Variants in KIAA1671 observed in about 807,000 individuals in gnomAD.
KIAA1671 encodes the protein KIAA1671, also known as uncharacterized protein KIAA1671.
A neutral mutation model predicts 131.2 loss-of-function variants in KIAA1671; 52 were observed. That is an observed-to-expected ratio of 0.40 (90% CI 0.32 to 0.50). The LOEUF (loss-of-function observed/expected upper bound fraction) is 0.50. KIAA1671 is among the 20% of genes least tolerant of loss of function. The pLI, the probability that KIAA1671 is intolerant of heterozygous loss-of-function variation, is 0.73. For missense variants in KIAA1671, 2,360 were observed against 2,364.2 expected, an observed-to-expected ratio of 1.00 and a Z score of 0.04; for synonymous variants, 1,003 against 961.6, an observed-to-expected ratio of 1.04 and a Z score of -0.80.
intron 6 of KIAA1671, among the ~76,000 whole-genome samples, chr22:25,120,040 C>T (rs919173452): frequency 4.8e-4 from 73 of 152,150 alleles, no homozygotes; most frequent in African/African-American, 1.7e-3. Context: ...CTCTAGCTAC[C>T]ACTTCTTGAG....
At position 25,197,030 on chromosome 22, in the gene KIAA1671, T is replaced by C. The variant is rs1934850749; in HGVS notation, c.*4629T>C. 1 of 152,160 alleles carries C rather than the reference T, an allele frequency of 6.6e-6. No individual in the cohort carries two copies. Among genetic ancestry groups the C allele is most frequent in the South Asian group, 2.1e-4 (1 of 4,828 alleles). The allele number at this position is 152,160 out of a possible 1,614,324, so 9.4% of individuals were successfully genotyped here. A position where few individuals can be genotyped will look rare whatever the true frequency, so the allele number is the denominator to read the frequency against. On this transcript the variant is annotated 3_prime_UTR_variant, in exon 13 of 13. Coordinates refer to ENST00000358431, the MANE Select transcript of KIAA1671 (RefSeq NM_001145206.2). ...TTTCTTCTGGGTCCTTCCTCAGATC[T>C]TTGAGTCACGATAGAAAAGGAGCTC...
At chr22:25,078,305 G>T (rs1311474312) in intron 6 of KIAA1671, among the ~76,000 whole-genome samples, 1 of 152,190 alleles carries the variant, frequency 6.6e-6, no homozygotes, top group African/African-American at 2.4e-5. Context: ...CGGGAGGATT[G>T]CTTGAGCCCA....
chr22:25,126,265 A>G (rs1932183494), intron 6 of KIAA1671, among the ~76,000 whole-genome samples: 1 of 152,228 alleles, frequency 6.6e-6, no homozygotes, highest in African/African-American at 2.4e-5. Context: ...GATTTCTAGA[A>G]ACAGCCCTTC....
At chr22:25,127,316 T>G (rs1932227661) in intron 6 of KIAA1671, among the ~76,000 whole-genome samples, 1 of 152,216 alleles carries the variant, frequency 6.6e-6, no homozygotes, top group Non-Finnish European at 1.5e-5. Flanking sequence ...CACAAGCTGT[T>G]CCCTCTGCCT....
chr22:25,084,036 C>T (rs1929557256), intron 6 of KIAA1671, among the ~76,000 whole-genome samples: 1 of 152,248 alleles, frequency 6.6e-6, no homozygotes, highest in Non-Finnish European at 1.5e-5. Context: ...GGCGGCCTGC[C>T]ACGTGAGTGC....
At chr22:25,068,225 C>T (rs113541629) in intron 6 of KIAA1671, among the ~76,000 whole-genome samples, 2,120 of 152,136 alleles carry the variant, frequency 0.014, 19 homozygotes, top group Middle Eastern at 0.034. Flanking sequence ...GGGAGCAGGG[C>T]CGGCCTTCTG....
intron 5 of KIAA1671, among the ~76,000 whole-genome samples, chr22:25,047,776 C>T (rs1244390637): frequency 6.6e-6 from 1 of 152,200 alleles, no homozygotes; most frequent in Admixed American, 6.5e-5. Flanking sequence ...CCTGGCCTTC[C>T]CTTTCTTAAT....
intron 12 of KIAA1671, 136 bp downstream of exon 12, chr22:25,190,920 TG>T (rs1447164909): frequency 2.1e-5 from 11 of 522,514 alleles, no homozygotes; most frequent in East Asian, 3.9e-5. Flanking sequence ...GAATGAGGGG[TG>T]GGGGGTGTTC....
Position 25,040,027 on chromosome 22 carries a change from C to T in KIAA1671, c.2897C>T (p.Pro966Leu). 1.3e-6 allele frequency: 2 copies of T among 1,551,724 alleles called. No individual in the cohort carries two copies. Among genetic ancestry groups the T allele is most frequent in the African/African-American group, 1.4e-5 (1 of 73,178 alleles). The change falls in exon 5 of 13, where the codon CCA (proline) becomes CTA (leucine). Residue 966 changes from proline to leucine, a missense_variant. Coordinates refer to ENST00000358431, the MANE Select transcript of KIAA1671 (RefSeq NM_001145206.2). The part of the protein sequence containing the change: ...VKFDTFSSLV[P>L]EDSPHVGHRR... ...TTTGATACATTCAGTTCTCTTGTCCCAGAGGACTCTCCACATGTGGGGCAC... is the reference window on the plus strand; with the variant it reads ...TTTGATACATTCAGTTCTCTTGTCCTAGAGGACTCTCCACATGTGGGGCAC...
chr22:25,008,288 C>T (rs1049071443), intron 1 of KIAA1671, among the ~76,000 whole-genome samples: 1 of 152,080 alleles, frequency 6.6e-6, no homozygotes, highest in Non-Finnish European at 1.5e-5. Flanking sequence ...CAAGAACCCT[C>T]CCAGGCCAGG....
chr22:25,070,425 C>CG (rs1188151283), intron 6 of KIAA1671: 14 of 481,182 alleles, frequency 2.9e-5, no homozygotes, highest in South Asian at 4.4e-5. Context: ...GGGTGAGTGG[C>CG]GGGGGGCAGT....
At chr22:24,999,061 C>T (rs1448161059) in intron 1 of KIAA1671, among the ~76,000 whole-genome samples, 3 of 151,980 alleles carry the variant, frequency 2.0e-5, no homozygotes, top group Non-Finnish European at 2.9e-5. Flanking sequence ...GGTTAGGTGT[C>T]GAGATTCAGC....
intron 1 of KIAA1671, among the ~76,000 whole-genome samples, chr22:24,966,091 A>G (rs1231440074): frequency 6.6e-6 from 1 of 152,230 alleles, no homozygotes. Flanking sequence ...GAGCTTTGTT[A>G]TTAATACACG....
intron 6 of KIAA1671, among the ~76,000 whole-genome samples, chr22:25,086,074 G>A (rs1342729673): frequency 2.0e-5 from 3 of 152,226 alleles, no homozygotes; most frequent in African/African-American, 7.2e-5. Flanking sequence ...AGTAGTGGCT[G>A]TGTCTTGTTT....
At chr22:24,954,952 TG>T (rs1921616360) in intron 1 of KIAA1671, among the ~76,000 whole-genome samples, 1 of 152,182 alleles carries the variant, frequency 6.6e-6, no homozygotes, top group African/African-American at 2.4e-5. Flanking sequence ...GGCTAATTTT[TG>T]TATTTTTAGT....
intron 11 of KIAA1671, chr22:25,185,711 G>C (rs1164947684): frequency 6.6e-6 from 1 of 152,356 alleles, no homozygotes; most frequent in East Asian, 1.9e-4. Flanking sequence ...CACACAGCCA[G>C]GGTTTAATTC....
Position 25,028,927 on chromosome 22 carries a change from G to T in KIAA1671, c.928G>T (p.Ala310Ser). ...GGCCGATGAAGGAAGTGGACCCACA[G>T]CAGGGGATATGGCTGGGCTAGAGAG... is the stretch of plus-strand genomic sequence containing the variant. ...KVADEGSGPT[A>S]GDMAGLERPR... The change falls in exon 3 of 13, where the codon GCA becomes TCA. Residue 310 changes from alanine (A) to serine (S), a missense_variant. Physicochemically the swap from Ala to Ser is moderately conservative, Grantham distance 99 (BLOSUM62 1). Coordinates refer to ENST00000358431, the MANE Select transcript of KIAA1671 (RefSeq NM_001145206.2). 4 of 1,551,642 alleles carry T rather than the reference G, an allele frequency of 2.6e-6. No individual in the cohort carries two copies. The highest frequency in any genetic ancestry group is 3.5e-6 in the Non-Finnish European group (4 of 1,146,990).
intron 6 of KIAA1671, among the ~76,000 whole-genome samples, chr22:25,162,189 C>T (rs530328602): frequency 1.3e-5 from 2 of 152,290 alleles, no homozygotes; most frequent in South Asian, 2.1e-4. Flanking sequence ...GGAGTGTCAG[C>T]CCCTGCCATT....
chr22:24,964,376 G>T (rs529056827), intron 1 of KIAA1671, among the ~76,000 whole-genome samples: 22 of 151,870 alleles, frequency 1.4e-4, no homozygotes, highest in African/African-American at 4.1e-4. Flanking sequence ...AATAACAAGT[G>T]AGTATTAACT....
Sources: gnomAD v4.1 joint callset for allele counts (sites outside exome capture counted in the v4.1 genomes callset) on GRCh38, gnomAD v4.1.1 for gene constraint, MANE v1.5 for transcripts, NCBI Gene and HGNC (gene_info 2026-07-23, HGNC 2026-07-21) for gene names.